The following ZNF394 variants were observed in gnomAD, a reference collection of about 807,000 sequenced individuals.
ZNF394 encodes zinc finger protein 394.
ZNF394 carries 19 observed loss-of-function variants against 21.8 expected under a neutral mutation model. That is an observed-to-expected ratio of 0.87 (90% confidence interval 0.61 to 1.28). The LOEUF (loss-of-function observed/expected upper bound fraction) is 1.28, where lower values mean the gene tolerates loss of function less well. Among genes scored for constraint, ZNF394 ranks in the 50% most tolerant of loss-of-function variants. ZNF394 has a pLI of 0.00. For missense variants in ZNF394, 683 were observed against 708.6 expected (o/e 0.96, Z 0.41); for synonymous variants, 294 against 273.3 (o/e 1.08, Z -0.75).
chr7:99,495,658 T>C (rs1388178466), intron 2 of ZNF394, among the ~76,000 whole-genome samples: 1 of 151,784 alleles, frequency 6.6e-6, no homozygotes, highest in African/African-American at 2.4e-5. Context: ...TTCGCTCTTG[T>C]TGCCAAGGCT....
At chr7:99,489,260 G>A (rs374198946), downstream of ZNF394, among the ~76,000 whole-genome samples, 8 of 151,088 alleles carry the variant, frequency 5.3e-5, no homozygotes, top group African/African-American at 7.3e-5. Context: ...CTCCAGCCTC[G>A]GTGACAGAGT....
chr7:99,489,110 C>G (rs1800105172), downstream of ZNF394, among the ~76,000 whole-genome samples: 1 of 151,606 alleles, frequency 6.6e-6, no homozygotes, highest in South Asian at 2.1e-4. Context: ...TGGTGAAACC[C>G]CATCTCTACT....
intron 1 of ZNF394, chr7:99,487,509 T>C (rs774844860): frequency 7.5e-6 from 12 of 1,593,930 alleles, no homozygotes; most frequent in African/African-American, 4.1e-5. Context: ...AAAGCAGTCA[T>C]TGGAGAACTA....
At chr7:99,497,118 G>GTATATATATATATA (rs755158094) in intron 2 of ZNF394, among the ~76,000 whole-genome samples, 28 of 97,130 alleles carry the variant, frequency 2.9e-4, no homozygotes, top group Admixed American at 4.4e-4. Flanking sequence ...GTGTGTGTGT[G>GTATATATATATATA]TGTGTATATA....
Position 99,499,717 on chromosome 7 carries a change from T to A in ZNF394, c.377A>T (p.Glu126Val). ...LPEELQAWVR[E>V]HCPESGEEAV... ...CTCCTCCCCGCTCTCTGGGCAGTGC[T>A]CTCGCACCCAGGCTTGAAGCTCCTC... The change falls in exon 1 of 3, where the codon GAG becomes GTG. Residue 126 changes from glutamate (E) to valine (V), a missense_variant. By Grantham distance (121) the Glu-to-Val change is moderately radical. Coordinates refer to ENST00000337673, the MANE Select transcript of ZNF394 (RefSeq NM_032164.4). The A allele has an allele frequency of 6.2e-7, 1 of 1,613,870 alleles. No homozygotes were observed. Among genetic ancestry groups the A allele is most frequent in the Non-Finnish European group, 8.5e-7 (1 of 1,180,042 alleles).
In ZNF394 at chr7:99,493,902, C is replaced by G. The variant is rs1481705052; in HGVS notation, c.1313G>C (p.Arg438Thr). 1 of 1,614,210 alleles carries G rather than the reference C, an allele frequency of 6.2e-7. No homozygotes were observed. The highest frequency in any genetic ancestry group is 1.7e-5 in the Admixed American group (1 of 60,020). The change falls in exon 3 of 3, where the codon AGA becomes ACA. Residue 438 changes from arginine (R) to threonine (T), a missense_variant. By Grantham distance (71) the Arg-to-Thr change is moderately conservative. Transcript: ENST00000337673. ...TTCCTCACATTTAAAATGTTTGTCT[C>G]TACTGTGGGTACTTTGATGACGATT... is the stretch of plus-strand genomic sequence containing the variant. ...HLNRHQSTHS[R>T]DKHFKCEECG... is the part of the protein sequence containing the mutation.
At chr7:99,486,914 G>A in exon 2 of ZNF394, 1 of 1,614,136 alleles carries the variant, frequency 6.2e-7, no homozygotes, top group Non-Finnish European at 8.5e-7. Context: ...AAGGTCTGTG[G>A]GCAAGCCTTC....
chr7:99,493,863 C>T lies in ZNF394; in HGVS notation c.1352G>A (p.Cys451Tyr), dbSNP rs766870050. Residue 451 changes from cysteine to tyrosine, a missense_variant, in exon 3 of 3, where the codon TGT (cysteine) becomes TAT (tyrosine). This residue lies in a region of ZNF394 where 274 missense variants were observed against 314.1 expected (regional missense o/e 0.87). Coordinates refer to ENST00000337673, the MANE Select transcript of ZNF394 (RefSeq NM_032164.4). ...HFKCEECGET[C>Y]HISNLFRHQR... ...ATGTCTAAAAAGGTTGGAAATATGA[C>T]AGGTTTCCCCGCATTCCTCACATTT... 2 of 1,614,106 alleles carry T rather than the reference C, an allele frequency of 1.2e-6. No homozygotes were observed. The highest frequency in any genetic ancestry group is 1.7e-6 in the Non-Finnish European group (2 of 1,180,034).
chr7:99,487,182 G>C, intron 1 of ZNF394: 1 of 1,614,050 alleles, frequency 6.2e-7, no homozygotes, highest in South Asian at 1.1e-5. Context: ...CCTTTGGCCG[G>C]CATTCAACCC....
intron 1 of ZNF394, chr7:99,487,734 C>G (rs907326856): frequency 1.6e-4 from 67 of 431,892 alleles, no homozygotes; most frequent in Non-Finnish European, 2.3e-4. Context: ...CCTCCAGTCC[C>G]AGCTACTAAG....
chr7:99,496,175 G>A (rs1306235948), intron 2 of ZNF394, among the ~76,000 whole-genome samples: 1 of 151,616 alleles, frequency 6.6e-6, no homozygotes, highest in Non-Finnish European at 1.5e-5. Context: ...AGGTATTATA[G>A]TAGGTATTTT....
At chr7:99,490,146 CTTTTTTT>C (rs943034221), downstream of ZNF394, among the ~76,000 whole-genome samples, 206 of 89,238 alleles carry the variant, frequency 2.3e-3, no homozygotes, top group African/African-American at 9.2e-3. Context: ...AAAACCTCAT[CTTTTTTT>C]TTTTTTTTTT....
At position 99,499,717 on chromosome 7, in the gene ZNF394, T is replaced by C. The variant is rs1341689247; in HGVS notation, c.377A>G (p.Glu126Gly). 1 of 1,613,752 alleles carries C rather than the reference T, an allele frequency of 6.2e-7. No individual in the cohort carries two copies. Among genetic ancestry groups the C allele is most frequent in the Non-Finnish European group, 8.5e-7 (1 of 1,180,050 alleles). ...LPEELQAWVR[E>G]HCPESGEEAV... ...CTCCTCCCCGCTCTCTGGGCAGTGC[T>C]CTCGCACCCAGGCTTGAAGCTCCTC... The change falls in exon 1 of 3, where the codon GAG (glutamate) becomes GGG (glycine). Residue 126 changes from glutamate (E) to glycine (G), a missense_variant. This residue lies in a region of ZNF394 where 402 missense variants were observed against 373.8 expected (regional missense o/e 1.08). Transcript: ENST00000337673.
intron 2 of ZNF394, among the ~76,000 whole-genome samples, chr7:99,497,221 T>G (rs1211277578): frequency 6.7e-6 from 1 of 148,894 alleles, no homozygotes; most frequent in African/African-American, 2.5e-5. Flanking sequence ...AGTGCTGGAG[T>G]GCAGTGGCAC....
intron 1 of ZNF394, chr7:99,487,468 A>G: frequency 6.2e-7 from 1 of 1,613,554 alleles, no homozygotes; most frequent in South Asian, 1.1e-5. Flanking sequence ...GGGCACTCAC[A>G]AAGGACAGAT....
At chr7:99,499,280 G>A (rs1201009641) in intron 1 of ZNF394, among the ~76,000 whole-genome samples, 4 of 151,888 alleles carry the variant, frequency 2.6e-5, no homozygotes, top group Non-Finnish European at 4.4e-5. Context: ...GGAGACTGAG[G>A]CAGGAGAATC....
exon 2 of ZNF394, chr7:99,486,820 A>G: frequency 6.2e-7 from 1 of 1,614,222 alleles, no homozygotes; most frequent in Non-Finnish European, 8.5e-7. Context: ...TTATGAATGC[A>G]GTGAATGTGG....
In ZNF394 at chr7:99,493,785, C is replaced by T. The variant is rs777024156; in HGVS notation, c.1430G>A (p.Ser477Asn). ...RPYKCEECEKSFKQRSDLFKH... is the reference protein window; with the variant it reads ...RPYKCEECEKNFKQRSDLFKH... Reference sequence around the variant, plus strand: ...AAAGAGGTCAGAGCGCTGTTTGAAGCTCTTCTCGCATTCTTCACACTTATA... The same window carrying T: ...AAAGAGGTCAGAGCGCTGTTTGAAGTTCTTCTCGCATTCTTCACACTTATA... Residue 477 changes from serine to asparagine, a missense_variant, in exon 3 of 3, where the codon AGC becomes AAC. Coordinates refer to ENST00000337673, the MANE Select transcript of ZNF394 (RefSeq NM_032164.4). 1 of 1,614,154 alleles carries T rather than the reference C, an allele frequency of 6.2e-7. No individual in the cohort carries two copies. Among genetic ancestry groups the T allele is most frequent in the Admixed American group, 1.7e-5 (1 of 60,010 alleles).
downstream of ZNF394, chr7:99,493,181 C>T (rs1800198122): frequency 1.9e-6 from 2 of 1,043,902 alleles, no homozygotes; most frequent in Non-Finnish European, 2.3e-6. Flanking sequence ...GACTGATATA[C>T]TCCAAATGGC....
Sources: gnomAD v4.1 joint callset for allele counts (sites outside exome capture counted in the v4.1 genomes callset) on GRCh38, gnomAD v4.1.1 for gene constraint, gnomAD v4.1.1 regional missense constraint, MANE v1.5 for transcripts, NCBI Gene and HGNC (gene_info 2026-07-23, HGNC 2026-07-21) for gene names.